The following RBFOX1 variants were observed in gnomAD, a reference collection of about 807,000 sequenced individuals.
The protein encoded by RBFOX1 is RNA binding protein fox-1 homolog 1.
In RBFOX1, 8 loss-of-function variants were observed where a neutral mutation model predicts 57.7. The ratio of observed to expected loss-of-function variants is 0.14; its 90% CI spans 0.08 to 0.25. The LOEUF (loss-of-function observed/expected upper bound fraction) is 0.25, where lower values mean the gene tolerates loss of function less well. Among genes scored for constraint, RBFOX1 ranks in the 10% least tolerant of loss-of-function variants. The probability of loss-of-function intolerance (pLI) is 1.00; values close to 1 mark genes in which losing one functional copy is unlikely to be tolerated. For missense variants in RBFOX1, 611 were observed against 548.5 expected, an observed-to-expected ratio of 1.11 and a Z score of -1.14; for synonymous variants, 326 against 222.4, an observed-to-expected ratio of 1.47 and a Z score of -4.15.
At chr16:7,147,898 C>T (rs904551003) in intron 4 of RBFOX1, among the ~76,000 whole-genome samples, 3 of 152,212 alleles carry the variant, frequency 2.0e-5, no homozygotes, top group African/African-American at 7.2e-5. Context: ...CTCCAGGCTG[C>T]TTTCGCCAGG....
At chr16:6,107,718 T>TGGA (rs2096398611) in intron 1 of RBFOX1, among the ~76,000 whole-genome samples, 1 of 31,840 alleles carries the variant, frequency 3.1e-5, no homozygotes, top group Non-Finnish European at 5.3e-5. Context: ...GATGGATGGA[T>TGGA]TTGTGGGTGG....
intron 4 of RBFOX1, among the ~76,000 whole-genome samples, chr16:5,978,657 G>GA (rs1567213886): frequency 2.7e-5 from 4 of 148,682 alleles, no homozygotes; most frequent in Non-Finnish European, 5.9e-5. Context: ...GTCTCAAAGT[G>GA]TTTTTTTTGT....
Position 6,328,327 on chromosome 16 carries a change from G to A in RBFOX1, c.-64+11270G>A, listed in dbSNP as rs1274473019. On this transcript the variant is annotated intron_variant, in intron 2 of 15. Transcript: ENST00000550418. ...GATAAAAGACTACAAACTGGGTTCAGTGTATACTCCTCGGGTGATGGGTGC... is the reference window on the plus strand; with the variant it reads ...GATAAAAGACTACAAACTGGGTTCAATGTATACTCCTCGGGTGATGGGTGC... Among the ~76,000 whole-genome samples, 3 of 152,154 alleles carry A rather than the reference G, an allele frequency of 2.0e-5. 1 individual carries two copies. The highest frequency in any genetic ancestry group is 4.4e-5 in the Non-Finnish European group (3 of 68,028).
intron 4 of RBFOX1, among the ~76,000 whole-genome samples, chr16:5,932,794 A>C (rs1567162706): frequency 6.6e-6 from 1 of 151,632 alleles, no homozygotes; most frequent in Non-Finnish European, 1.5e-5. Context: ...CTCATTTCCC[A>C]CGTGACCTCG....
At chr16:5,402,123 G>A (rs1216618429) in intron 1 of RBFOX1, among the ~76,000 whole-genome samples, 1 of 151,570 alleles carries the variant, frequency 6.6e-6, no homozygotes, top group Non-Finnish European at 1.5e-5. Context: ...AGGCTTCAGA[G>A]GCAAGAGGAA....
At chr16:7,642,039 C>A (rs1301934789) in intron 11 of RBFOX1, among the ~76,000 whole-genome samples, 1 of 152,098 alleles carries the variant, frequency 6.6e-6, no homozygotes, top group Non-Finnish European at 1.5e-5. Context: ...GACTTGAGCC[C>A]AGGAGTTTGA....
intron 5 of RBFOX1, among the ~76,000 whole-genome samples, chr16:7,558,329 T>A (rs6500984): frequency 6.6e-6 from 1 of 152,122 alleles, no homozygotes; most frequent in East Asian, 1.9e-4. Context: ...ACTCTAGCCT[T>A]TGTGACAAAG....
chr16:6,339,366 A>G (rs1243464951), intron 2 of RBFOX1, among the ~76,000 whole-genome samples: 1 of 152,206 alleles, frequency 6.6e-6, no homozygotes, highest in Non-Finnish European at 1.5e-5. Context: ...AATAGGAGAC[A>G]CTGGGTTACA....
chr16:6,722,856 A>C (rs764716621), intron 3 of RBFOX1, among the ~76,000 whole-genome samples: 31 of 152,204 alleles, frequency 2.0e-4, no homozygotes, highest in Non-Finnish European at 4.1e-4. Flanking sequence ...ATCCAAATGT[A>C]GCTTTGGCAC....
chr16:5,410,612 A>G (rs563327126), intron 1 of RBFOX1, among the ~76,000 whole-genome samples: 1 of 152,200 alleles, frequency 6.6e-6, no homozygotes, highest in Non-Finnish European at 1.5e-5. Context: ...AGGTCTTTAC[A>G]GTGACTTACA....
intron 4 of RBFOX1, among the ~76,000 whole-genome samples, chr16:7,399,124 C>A (rs540384162): frequency 1.3e-5 from 2 of 152,162 alleles, no homozygotes; most frequent in Admixed American, 6.5e-5. Context: ...ACCCCCGAAT[C>A]CAACATGAAA....
chr16:6,953,082 A>G (rs2081086609), intron 3 of RBFOX1, among the ~76,000 whole-genome samples: 1 of 152,208 alleles, frequency 6.6e-6, no homozygotes, highest in Middle Eastern at 3.2e-3. Flanking sequence ...CAAGCCACAA[A>G]TACAAAAACA....
intron 1 of RBFOX1, among the ~76,000 whole-genome samples, chr16:6,128,095 G>C (rs1328939130): frequency 6.6e-6 from 1 of 152,030 alleles, no homozygotes; most frequent in Non-Finnish European, 1.5e-5. Flanking sequence ...AGATGAAATT[G>C]AGGCATATCT....
At chr16:7,493,946 T>C (rs1283382481) in intron 4 of RBFOX1, among the ~76,000 whole-genome samples, 5 of 152,248 alleles carry the variant, frequency 3.3e-5, no homozygotes, top group Non-Finnish European at 7.3e-5. Context: ...CATTCTCAAA[T>C]AGAAAGTCAA....
chr16:5,647,148 C>T (rs1169812787), intron 3 of RBFOX1, among the ~76,000 whole-genome samples: 1 of 152,156 alleles, frequency 6.6e-6, no homozygotes, highest in Non-Finnish European at 1.5e-5. Context: ...CAAAATCCTG[C>T]CTCAAGGTGG....
At chr16:6,610,582 A>G (rs976253499) in intron 2 of RBFOX1, among the ~76,000 whole-genome samples, 1 of 152,084 alleles carries the variant, frequency 6.6e-6, no homozygotes, top group Non-Finnish European at 1.5e-5. Flanking sequence ...CTCCCACCTT[A>G]GCCTCCCGAA....
chr16:6,159,366 C>T (rs111803384), intron 1 of RBFOX1, among the ~76,000 whole-genome samples: 7,183 of 152,220 alleles, frequency 0.047, 165 homozygotes, highest in Middle Eastern at 0.12. Context: ...CGTGAGCCAC[C>T]GCACACGGCC....
chr16:7,077,372 A>C (rs1044364790), intron 4 of RBFOX1, among the ~76,000 whole-genome samples: 1 of 152,200 alleles, frequency 6.6e-6, no homozygotes, highest in Admixed American at 6.5e-5. Flanking sequence ...ATTTTCCTAC[A>C]AAAGTCAAAA....
chr16:6,846,291 A>T (rs527647766), intron 3 of RBFOX1, among the ~76,000 whole-genome samples: 1 of 152,280 alleles, frequency 6.6e-6, no homozygotes, highest in African/African-American at 2.4e-5. Flanking sequence ...ATTCCGTGTC[A>T]TCAAGAAACA....
Sources: gnomAD v4.1 joint callset for allele counts (sites outside exome capture counted in the v4.1 genomes callset) on GRCh38, gnomAD v4.1.1 for gene constraint, MANE v1.5 for transcripts, NCBI Gene and HGNC (gene_info 2026-07-23, HGNC 2026-07-21) for gene names.